The following SLAMF7 variants were observed in gnomAD, a reference collection of about 807,000 sequenced individuals.
The protein encoded by SLAMF7 is 19A24 protein.
Under a neutral mutation model 34.1 loss-of-function variants are expected in SLAMF7, and 26 were observed. The observed-to-expected ratio is 0.76, with a 90% CI of 0.56 to 1.06. SLAMF7 has a LOEUF of 1.06. Among genes scored for constraint, SLAMF7 ranks in the 50% least tolerant of loss-of-function variants. SLAMF7 has a pLI of 0.00. For synonymous variants in SLAMF7, 171 were observed against 156.4 expected (o/e 1.09, Z -0.70); for missense variants, 399 against 402.5 (o/e 0.99, Z 0.07).
At position 160,751,816 on chromosome 1, in the gene SLAMF7, ATCTC is replaced by A. The variant is rs71090324; in HGVS notation, c.874-326_874-323del. 612 of 84,384 alleles carry A rather than the reference ATCTC, an allele frequency of 7.3e-3. 9 individuals carry two copies. The highest frequency in any genetic ancestry group is 0.012 in the African/African-American group (257 of 21,810). The allele number at this position is 84,384 out of a possible 1,614,324, so 5.2% of individuals were successfully genotyped here. On this transcript the variant is annotated intron_variant, in intron 5 of 6. Coordinates refer to ENST00000368043, the MANE Select transcript of SLAMF7 (RefSeq NM_021181.5). ...ATGGTATCAGAAGACTTCTCTAGAG[ATCTC>A]TCTCTCTCTCTCTCTCTCTCTCTCT...
chr1:160,748,449 A>C lies in SLAMF7; in HGVS notation c.311A>C (p.Tyr104Ser). ...KLKKNDSGIY[Y>S]VGIYSSSLQQ... ...AAGAAGAATGACTCAGGGATCTACT[A>C]TGTGGGGATATACAGCTCATCACTC... Residue 104 changes from tyrosine to serine, a missense_variant, in exon 2 of 7, where the codon TAT becomes TCT. Physicochemically the swap from Tyr to Ser is moderately radical, Grantham distance 144 (BLOSUM62 -2). Transcript: ENST00000368043. 13 of 1,614,080 alleles carry C rather than the reference A, an allele frequency of 8.1e-6. No homozygotes were observed. Among genetic ancestry groups the C allele is most frequent in the South Asian group, 1.1e-5 (1 of 91,084 alleles).
At chr1:160,746,239 C>A (rs944250317) in intron 1 of SLAMF7, among the ~76,000 whole-genome samples, 2 of 152,114 alleles carry the variant, frequency 1.3e-5, no homozygotes, top group African/African-American at 2.4e-5. Flanking sequence ...GAATCCAGCC[C>A]GGATCACATT....
chr1:160,749,018 C>T (rs886883235), intron 2 of SLAMF7, among the ~76,000 whole-genome samples: 1 of 152,216 alleles, frequency 6.6e-6, no homozygotes, highest in African/African-American at 2.4e-5. Flanking sequence ...GACCTTGGCA[C>T]TCATCCAGGG....
rs117009784 is a variant in SLAMF7 at position 160,750,053 on chromosome 1, A to C, written c.609A>C (p.Arg203Ser). 13,283 of 1,614,120 alleles carry C rather than the reference A, an allele frequency of 8.2e-3. 297 individuals carry two copies. Among genetic ancestry groups the C allele is most frequent in the South Asian group, 0.053 (4,821 of 91,078 alleles). Residue 203 changes from arginine (R) to serine (S), a missense_variant, in exon 3 of 7, where the codon AGA (arginine) becomes AGC (serine). Coordinates refer to ENST00000368043, the MANE Select transcript of SLAMF7 (RefSeq NM_021181.5). The part of the protein sequence containing the change: ...FICVARNPVS[R>S]NFSSPILARK... ...GCGTTGCCAGGAACCCTGTCAGCAGAAACTTCTCAAGCCCCATCCTTGCCA... is the reference window on the plus strand; with the variant it reads ...GCGTTGCCAGGAACCCTGTCAGCAGCAACTTCTCAAGCCCCATCCTTGCCA...
intron 1 of SLAMF7, chr1:160,739,591 C>T: frequency 2.4e-6 from 1 of 420,512 alleles, no homozygotes; most frequent in Non-Finnish European, 4.3e-6. Flanking sequence ...GATGAAGGAG[C>T]TGAAAGAAGT....
At chr1:160,749,113 G>A (rs1013178718) in intron 2 of SLAMF7, among the ~76,000 whole-genome samples, 5 of 152,202 alleles carry the variant, frequency 3.3e-5, no homozygotes, top group African/African-American at 1.2e-4. Context: ...AGGAACCTTA[G>A]GGGATGGGCC....
At position 160,751,434 on chromosome 1, in the gene SLAMF7, A is replaced by T. The variant is rs1272436696; in HGVS notation, c.859A>T (p.Ile287Phe). ...HSGENTEYDT[I>F]PHTNRTILKE... ...TGGAGAGAACACAGAGTACGACACA[A>T]TCCCTCACACTAATGTGAGTCCCTT... is the stretch of plus-strand genomic sequence containing the variant. Residue 287 changes from isoleucine to phenylalanine, a missense_variant, in exon 5 of 7, where the codon ATC becomes TTC. Transcript: ENST00000368043. 4 of 1,613,056 alleles carry T rather than the reference A, an allele frequency of 2.5e-6. No individual in the cohort carries two copies. Among genetic ancestry groups the T allele is most frequent in the Non-Finnish European group, 3.4e-6 (4 of 1,179,164 alleles).
intron 2 of SLAMF7, 73 bp from the exon 3 acceptor site, chr1:160,749,748 G>T (rs1247394939): frequency 7.4e-7 from 1 of 1,351,550 alleles, no homozygotes; most frequent in African/African-American, 1.5e-5. Flanking sequence ...CAGGTCCAAG[G>T]TATCCAAGGA....
In SLAMF7 at chr1:160,753,142, A is replaced by C; in HGVS notation, c.973A>C (p.Thr325Pro). 1 of 1,613,624 alleles carries C rather than the reference A, an allele frequency of 6.2e-7. No homozygotes were observed. The highest frequency in any genetic ancestry group is 8.5e-7 in the Non-Finnish European group (1 of 1,179,972). Residue 325 changes from threonine (T) to proline (P), a missense_variant, in exon 7 of 7, where the codon ACA becomes CCA. Transcript: ENST00000368043. The part of the protein sequence containing the change: ...NPHSLLTMPD[T>P]PRLFAYENVI ...CCACTCACTGCTCACGATGCCAGACACACCAAGGCTATTTGCCTATGAGAA... is the reference window on the plus strand; with the variant it reads ...CCACTCACTGCTCACGATGCCAGACCCACCAAGGCTATTTGCCTATGAGAA...
chr1:160,744,183 T>A (rs1663959297), intron 1 of SLAMF7, among the ~76,000 whole-genome samples: 2 of 152,210 alleles, frequency 1.3e-5, no homozygotes, highest in South Asian at 4.1e-4. Flanking sequence ...TAAAACTCTA[T>A]AGGGTCACAC....
At position 160,750,316 on chromosome 1, in the gene SLAMF7, AC is replaced by A; in HGVS notation, c.665del (p.Pro222GlnfsTer29). Reference sequence around the variant, plus strand: ...CCATTCTCTGAAGGTGCTGCTGATGACCCAGATTCCTCCATGGTCCTCCTGT... The same window carrying A: ...CCATTCTCTGAAGGTGCTGCTGATGACCAGATTCCTCCATGGTCCTCCTGT... Reference protein sequence around the residue: ...ARKLCEGAADDPDSSMVLLCL... With the variant: ...ARKLCEGAADXPDSSMVLLCL... On this transcript the variant is annotated frameshift_variant, in exon 4 of 7. Transcript: ENST00000368043. LOFTEE classifies it high-confidence loss of function. The A allele has an allele frequency of 6.2e-7, 1 of 1,613,882 alleles. No individual in the cohort carries two copies. Among genetic ancestry groups the A allele is most frequent in the Non-Finnish European group, 8.5e-7 (1 of 1,179,888 alleles).
chr1:160,747,475 T>C (rs1480859869), intron 1 of SLAMF7, among the ~76,000 whole-genome samples: 1 of 152,082 alleles, frequency 6.6e-6, no homozygotes, highest in Admixed American at 6.6e-5. Flanking sequence ...GGTCAGGAGT[T>C]CAAGATCAGC....
At chr1:160,751,279 G>C (rs1664551407) in intron 4 of SLAMF7, 66 bp from the exon 5 acceptor site, 3 of 1,182,552 alleles carry the variant, frequency 2.5e-6, no homozygotes, top group East Asian at 2.3e-5. Context: ...CAGGAGAAAT[G>C]GTGGGCCAGT....
intron 6 of SLAMF7, among the ~76,000 whole-genome samples, 153 bp downstream of exon 6, chr1:160,752,401 C>A (rs547460235): frequency 6.6e-6 from 1 of 152,188 alleles, no homozygotes; most frequent in African/African-American, 2.4e-5. Context: ...TAGGGTTATA[C>A]AAGAACATGG....
chr1:160,749,748 G>A, intron 2 of SLAMF7, 73 bp from the exon 3 acceptor site: 2 of 1,351,668 alleles, frequency 1.5e-6, no homozygotes, highest in Non-Finnish European at 2.0e-6. Context: ...CAGGTCCAAG[G>A]TATCCAAGGA....
At chr1:160,747,626 G>A (rs187033938) in intron 1 of SLAMF7, among the ~76,000 whole-genome samples, 2 of 152,328 alleles carry the variant, frequency 1.3e-5, no homozygotes, top group Admixed American at 1.3e-4. Flanking sequence ...TTGAACCCAG[G>A]ACGTGGAGGT....
At chr1:160,742,734 A>T (rs1184621077) in intron 1 of SLAMF7, among the ~76,000 whole-genome samples, 1 of 152,238 alleles carries the variant, frequency 6.6e-6, no homozygotes, top group Non-Finnish European at 1.5e-5. Context: ...GAGGCAGAGG[A>T]ACTAACTCCT....
chr1:160,749,796 C>A, intron 2 of SLAMF7, 25 bp from the exon 3 acceptor site: 1 of 1,544,820 alleles, frequency 6.5e-7, no homozygotes, highest in South Asian at 1.2e-5. Context: ...AGAGTTTCCA[C>A]CTCTGGTTTT....
Position 160,751,383 on chromosome 1 carries a change from G to A in SLAMF7, c.808G>A (p.Glu270Lys), listed in dbSNP as rs755192326. The A allele has an allele frequency of 1.2e-5, 19 of 1,613,826 alleles. No homozygotes were observed. The Admixed American group carries it at 1.3e-4, about 11-fold the overall frequency. The change falls in exon 5 of 7, where the codon GAA becomes AAA. Residue 270 changes from glutamate to lysine, a missense_variant. By Grantham distance (56) the Glu-to-Lys change is moderately conservative. Coordinates refer to ENST00000368043, the MANE Select transcript of SLAMF7 (RefSeq NM_021181.5). Reference protein sequence around the residue: ...EEKKRVDICRETPNICPHSGE... With the variant: ...EEKKRVDICRKTPNICPHSGE... ...GAAGAAGAGAGTGGACATTTGTCGG[G>A]AAACTCCTAACATATGCCCCCATTC...
Sources: gnomAD v4.1 joint callset for allele counts (sites outside exome capture counted in the v4.1 genomes callset) on GRCh38, gnomAD v4.1.1 for gene constraint, MANE v1.5 for transcripts, NCBI Gene and HGNC (gene_info 2026-07-23, HGNC 2026-07-21) for gene names.